RBFOX1: variants seen among roughly 807,000 people sequenced by gnomAD.
RBFOX1 encodes the protein RNA binding fox-1 homolog 1.
Under a neutral mutation model 57.7 loss-of-function variants are expected in RBFOX1, and 8 were observed. The ratio of observed to expected loss-of-function variants is 0.14; its 90% CI spans 0.08 to 0.25. The LOEUF is 0.25. Among genes scored for constraint, RBFOX1 ranks in the 10% least tolerant of loss-of-function variants. The pLI, the probability that RBFOX1 is intolerant of heterozygous loss-of-function variation, is 1.00. For missense variants in RBFOX1, 611 were observed against 548.5 expected (o/e 1.11, Z -1.14); for synonymous variants, 326 against 222.4 (o/e 1.47, Z -4.15).
At chr16:5,483,384 C>T (rs1368517102) in intron 2 of RBFOX1, among the ~76,000 whole-genome samples, 1 of 152,220 alleles carries the variant, frequency 6.6e-6, no homozygotes, top group African/African-American at 2.4e-5. Flanking sequence ...CGCTTGCCCC[C>T]AGAGGAAGTA....
chr16:7,670,982 A>C (rs1422667651), intron 13 of RBFOX1, among the ~76,000 whole-genome samples: 2 of 152,120 alleles, frequency 1.3e-5, no homozygotes, highest in Non-Finnish European at 2.9e-5. Flanking sequence ...ACGCACACAC[A>C]CTCATATATA....
rs929769175 is a variant in RBFOX1, at chr16:5,947,099, C to G, written c.351+79764C>G. On this transcript the variant is annotated intron_variant, in intron 4 of 19. Coordinates refer to the RBFOX1 transcript ENST00000641259. The surrounding 1 kb of genome is among the most constrained non-coding windows in gnomAD (Gnocchi z 7.2). ...CCATGTGGTTGTGCATACTGTAGTC[C>G]CAGATACTCAGGAGGCTGAGGTAGG... 2.0e-5 allele frequency among the ~76,000 whole-genome samples: 3 copies of G among 152,000 alleles called. No homozygotes were observed. Among genetic ancestry groups the G allele is most frequent in the African/African-American group, 7.3e-5 (3 of 41,378 alleles).
intron 1 of RBFOX1, among the ~76,000 whole-genome samples, chr16:6,307,846 T>A (rs1008670609): frequency 6.8e-6 from 1 of 147,224 alleles, no homozygotes; most frequent in Non-Finnish European, 1.5e-5. Flanking sequence ...TTATTTGGAT[T>A]ATTACTTTTA....
chr16:5,973,016 A>G (rs2059993842), intron 4 of RBFOX1, among the ~76,000 whole-genome samples: 1 of 152,200 alleles, frequency 6.6e-6, no homozygotes. Flanking sequence ...CCTGCCTGGC[A>G]GGGTCTTAAA....
intron 14 of RBFOX1, among the ~76,000 whole-genome samples, chr16:7,698,840 T>G (rs1447468196): frequency 1.3e-5 from 2 of 152,174 alleles, no homozygotes; most frequent in Admixed American, 1.3e-4. Flanking sequence ...TGAGGCATAG[T>G]CTCAGGCTTG....
chr16:6,282,302 A>G (rs913170640), intron 1 of RBFOX1, among the ~76,000 whole-genome samples: 2 of 150,840 alleles, frequency 1.3e-5, no homozygotes, highest in Non-Finnish European at 2.9e-5. Flanking sequence ...CTGAACAGCA[A>G]GTTTGACACC....
At chr16:6,193,391 A>AATATATAT (rs1567650996) in intron 1 of RBFOX1, among the ~76,000 whole-genome samples, 34 of 15,752 alleles carry the variant, frequency 2.2e-3, no homozygotes, top group African/African-American at 3.7e-3. Context: ...ATATATATAT[A>AATATATAT]CTATATATAT....
At chr16:5,597,434 C>T (rs1045359580) in intron 2 of RBFOX1, among the ~76,000 whole-genome samples, 14 of 137,412 alleles carry the variant, frequency 1.0e-4, no homozygotes, top group African/African-American at 3.0e-4. Context: ...GTTTTGATCT[C>T]GTCGCTCAGG....
intron 4 of RBFOX1, among the ~76,000 whole-genome samples, chr16:7,243,304 T>A (rs1461470511): frequency 1.3e-5 from 2 of 152,186 alleles, no homozygotes; most frequent in African/African-American, 4.8e-5. Flanking sequence ...GTGACAGCTG[T>A]GTGACCTTAG....
intron 3 of RBFOX1, among the ~76,000 whole-genome samples, chr16:7,005,990 A>T (rs760213197): frequency 2.0e-5 from 3 of 152,184 alleles, no homozygotes; most frequent in Non-Finnish European, 2.9e-5. Context: ...CAGAAAGGCA[A>T]ATCCTCTAAG....
intron 4 of RBFOX1, among the ~76,000 whole-genome samples, chr16:5,908,127 T>TATATATACACATATATACAC (rs1286612113): frequency 7.0e-6 from 1 of 143,742 alleles, no homozygotes; most frequent in Non-Finnish European, 1.5e-5. Context: ...TATACACATA[T>TATATATACACATATATACAC]ATATATACAC....
At chr16:7,461,425 C>T (rs922110891) in intron 4 of RBFOX1, among the ~76,000 whole-genome samples, 1 of 152,142 alleles carries the variant, frequency 6.6e-6, no homozygotes, top group Non-Finnish European at 1.5e-5. Flanking sequence ...CTTAGCCTCC[C>T]AAAGTGCTGG....
chr16:6,090,627 G>T (rs768753827), intron 1 of RBFOX1, among the ~76,000 whole-genome samples: 5 of 152,162 alleles, frequency 3.3e-5, no homozygotes, highest in African/African-American at 1.2e-4. Flanking sequence ...AATGCATTAC[G>T]TTACCATATT....
chr16:7,156,573 G>T (rs966597968), intron 4 of RBFOX1, among the ~76,000 whole-genome samples: 1 of 151,972 alleles, frequency 6.6e-6, no homozygotes, highest in Admixed American at 6.6e-5. Flanking sequence ...ACATATGTAT[G>T]CACATTTGCA....
At chr16:5,971,687 CAT>C (rs2152299713) in intron 4 of RBFOX1, among the ~76,000 whole-genome samples, 1 of 152,196 alleles carries the variant, frequency 6.6e-6, no homozygotes, top group East Asian at 1.9e-4. Flanking sequence ...TCAGAAAAGT[CAT>C]ATACGAAGGA....
In RBFOX1 at chr16:6,097,858, C is replaced by T. The variant is rs113794724; in HGVS notation, c.-127+77866C>T. On this transcript the variant is annotated intron_variant, in intron 1 of 15. Coordinates refer to ENST00000550418, the MANE Select transcript of RBFOX1 (RefSeq NM_018723.4). The surrounding 1 kb of genome is among the most constrained non-coding windows in gnomAD (Gnocchi z 5.0). ...GTGGAAGTCCCTTGGAAGTGGGGGA[C>T]GTGTCTGATTTGTGCATGGCTATTT... Among the ~76,000 whole-genome samples, 16 of 151,772 alleles carry T rather than the reference C, an allele frequency of 1.1e-4. No individual in the cohort carries two copies. Among genetic ancestry groups the T allele is most frequent in the African/African-American group, 3.1e-4 (13 of 41,370 alleles).
intron 2 of RBFOX1, among the ~76,000 whole-genome samples, chr16:6,583,493 A>G (rs1320044033): frequency 6.6e-6 from 1 of 152,234 alleles, no homozygotes; most frequent in Non-Finnish European, 1.5e-5. Context: ...CAATGGAGGA[A>G]ATAACTAGAA....
intron 4 of RBFOX1, among the ~76,000 whole-genome samples, chr16:7,455,885 T>G (rs571176277): frequency 1.3e-5 from 2 of 152,096 alleles, no homozygotes; most frequent in East Asian, 3.9e-4. Flanking sequence ...CACTGTGATG[T>G]CTAAGATTCA....
Position 7,621,138 on chromosome 16 carries a change from T to C in RBFOX1, c.677-9465T>C, listed in dbSNP as rs1438627008. ...GAGAAGCAAGGCCCTAGTAGTCTTATCATCTATATATTGACACCTATAACT... is the reference window on the plus strand; with the variant it reads ...GAGAAGCAAGGCCCTAGTAGTCTTACCATCTATATATTGACACCTATAACT... On this transcript the variant is annotated intron_variant, in intron 10 of 15. Transcript: ENST00000550418. Among the ~76,000 whole-genome samples the C allele has an allele frequency of 2.0e-5, 3 of 152,312 alleles. No homozygotes were observed. In the East Asian group the frequency reaches 5.8e-4, roughly 29 times the overall value.
Sources: gnomAD v4.1 joint callset for allele counts (sites outside exome capture counted in the v4.1 genomes callset) on GRCh38, gnomAD v4.1.1 for gene constraint, Gnocchi (gnomAD v3.1) non-coding constraint, MANE v1.5 for transcripts, NCBI Gene and HGNC (gene_info 2026-07-23, HGNC 2026-07-21) for gene names.